Variants in CFAP299 observed in about 807,000 individuals in gnomAD.
CFAP299 encodes the protein cilia and flagella associated protein 299.
CFAP299 carries 21 observed loss-of-function variants against 27.0 expected under a neutral mutation model. The observed-to-expected ratio is 0.78, with a 90% CI of 0.55 to 1.12. The LOEUF (loss-of-function observed/expected upper bound fraction) is 1.12, where lower values mean the gene tolerates loss of function less well. Among genes scored for constraint, CFAP299 ranks in the 50% most tolerant of loss-of-function variants. The pLI, the probability that CFAP299 is intolerant of heterozygous loss-of-function variation, is 0.00. For missense variants in CFAP299, 310 were observed against 276.6 expected, an observed-to-expected ratio of 1.12 and a Z score of -0.86; for synonymous variants, 104 against 98.1, an observed-to-expected ratio of 1.06 and a Z score of -0.36.
chr4:80,484,455 A>G (rs1235039984), intron 2 of CFAP299, among the ~76,000 whole-genome samples: 1 of 152,146 alleles, frequency 6.6e-6, no homozygotes, highest in Non-Finnish European at 1.5e-5. Flanking sequence ...ACCTATTGCT[A>G]TATCTTATCC....
intron 5 of CFAP299, among the ~76,000 whole-genome samples, chr4:80,946,685 G>A (rs1737494976): frequency 6.6e-6 from 1 of 152,154 alleles, no homozygotes; most frequent in Admixed American, 6.5e-5. Context: ...TTTCTCATTA[G>A]TGAAATGAAG....
At chr4:80,784,416 G>A (rs1024784794) in intron 3 of CFAP299, among the ~76,000 whole-genome samples, 1 of 152,138 alleles carries the variant, frequency 6.6e-6, no homozygotes, top group Non-Finnish European at 1.5e-5. Flanking sequence ...TCTCATAGTG[G>A]TTTTAATTTG....
At chr4:80,856,565 T>C (rs967409641) in intron 3 of CFAP299, among the ~76,000 whole-genome samples, 1 of 151,926 alleles carries the variant, frequency 6.6e-6, no homozygotes, top group Non-Finnish European at 1.5e-5. Context: ...TAATCCATCT[T>C]GAATTAATTT....
At chr4:80,347,427 AG>A (rs1722788928) in intron 1 of CFAP299, among the ~76,000 whole-genome samples, 1 of 152,104 alleles carries the variant, frequency 6.6e-6, no homozygotes, top group South Asian at 2.1e-4. Context: ...ATGCAACTTC[AG>A]CAAAGTCTCA....
rs145935785 is a variant in CFAP299, at chr4:80,465,994, C to T, written c.242+103110C>T. 6.2e-3 allele frequency among the ~76,000 whole-genome samples: 949 copies of T among 152,280 alleles called. 6 individuals are homozygous for T. Among genetic ancestry groups the T allele is most frequent in the Middle Eastern group, 0.02 (6 of 294 alleles). On this transcript the variant is annotated intron_variant, in intron 2 of 5. Transcript: ENST00000358105. The stretch of plus-strand genomic sequence containing the variant: ...GAGAAATGTAAACTCTTCTTTCATT[C>T]GGTAGCCATAACTTCTGGGAAGAAA...
chr4:80,667,786 A>C (rs1741216735), intron 3 of CFAP299, among the ~76,000 whole-genome samples: 2 of 152,092 alleles, frequency 1.3e-5, no homozygotes, highest in Non-Finnish European at 2.9e-5. Context: ...TAAACATAGG[A>C]GTGTAGATAG....
intron 3 of CFAP299, among the ~76,000 whole-genome samples, chr4:80,817,429 A>T (rs1260376387): frequency 6.6e-6 from 1 of 152,158 alleles, no homozygotes; most frequent in Non-Finnish European, 1.5e-5. Context: ...TGAATACATT[A>T]AAGTTACATT....
At chr4:80,823,712 C>G (rs1157948019) in intron 3 of CFAP299, among the ~76,000 whole-genome samples, 1 of 152,122 alleles carries the variant, frequency 6.6e-6, no homozygotes, top group Non-Finnish European at 1.5e-5. Flanking sequence ...ACGTTAAGTA[C>G]TCTGCATAGA....
chr4:80,467,065 T>C (rs767759137), intron 2 of CFAP299, among the ~76,000 whole-genome samples: 5 of 152,206 alleles, frequency 3.3e-5, no homozygotes, highest in Non-Finnish European at 7.3e-5. Context: ...AGAAAGCCTG[T>C]TGTTTTTTGT....
chr4:80,895,204 A>G (rs1025714116), intron 4 of CFAP299, among the ~76,000 whole-genome samples: 1 of 150,918 alleles, frequency 6.6e-6, no homozygotes, highest in Admixed American at 6.6e-5. Context: ...ACACACTAGT[A>G]ACTATGTGAA....
chr4:80,962,483 G>C (rs978942509), intron 5 of CFAP299, among the ~76,000 whole-genome samples: 2 of 151,788 alleles, frequency 1.3e-5, no homozygotes, highest in African/African-American at 4.8e-5. Context: ...AAAGAGCATG[G>C]CACATGTATA....
rs533822170 is a variant in CFAP299, at chr4:80,751,067, G to C, written c.334-118926G>C. 1.1e-4 allele frequency among the ~76,000 whole-genome samples: 16 copies of C among 152,290 alleles called. 1 individual carries two copies. The highest frequency in any genetic ancestry group is 3.8e-4 in the African/African-American group (16 of 41,564). On this transcript the variant is annotated intron_variant, in intron 3 of 5. Transcript: ENST00000358105. ...CAAGTTCTTTGCCCTTGCTGGAGAG[G>C]TGTTGTGGTCATCTGGAAGAAACAC... is the stretch of plus-strand genomic sequence containing the variant.
chr4:80,722,508 G>A (rs1722887083), intron 3 of CFAP299, among the ~76,000 whole-genome samples: 1 of 151,982 alleles, frequency 6.6e-6, no homozygotes, highest in Admixed American at 6.6e-5. Flanking sequence ...GACACTCTTA[G>A]TAGAATGAAA....
intron 2 of CFAP299, among the ~76,000 whole-genome samples, chr4:80,478,242 C>G (rs2110124031): frequency 6.6e-6 from 1 of 152,208 alleles, no homozygotes; most frequent in South Asian, 2.1e-4. Flanking sequence ...CCACTATTTT[C>G]CATTTAGAAA....
chr4:80,635,563 G>A (rs1739433247), intron 3 of CFAP299, among the ~76,000 whole-genome samples: 1 of 151,858 alleles, frequency 6.6e-6, no homozygotes, highest in African/African-American at 2.4e-5. Context: ...AACAAAATGG[G>A]TCACAGTTTT....
intron 3 of CFAP299, among the ~76,000 whole-genome samples, chr4:80,719,350 G>A (rs1322198307): frequency 6.6e-6 from 1 of 152,098 alleles, no homozygotes; most frequent in African/African-American, 2.4e-5. Flanking sequence ...CAGTTTTCAA[G>A]ATAAACTCAA....
intron 2 of CFAP299, among the ~76,000 whole-genome samples, chr4:80,486,326 G>A (rs988046276): frequency 2.6e-5 from 4 of 152,174 alleles, no homozygotes; most frequent in African/African-American, 9.7e-5. Flanking sequence ...AATTGTAGCT[G>A]TGTTTTCTGA....
intron 3 of CFAP299, among the ~76,000 whole-genome samples, chr4:80,732,295 G>A (rs564805707): frequency 1.7e-4 from 6 of 35,904 alleles, no homozygotes; most frequent in South Asian, 1.7e-3. Context: ...CTTAAACTAC[G>A]AGTTTCTGCT....
intron 5 of CFAP299, 146 bp downstream of exon 5, chr4:80,945,085 A>G: frequency 1.4e-6 from 1 of 731,798 alleles, no homozygotes; most frequent in Non-Finnish European, 2.3e-6. Context: ...AGCATGTACT[A>G]CCTTTTAAAA....
Sources: allele counts gnomAD v4.1 joint callset (sites outside exome capture counted in the v4.1 genomes callset), GRCh38; gene constraint gnomAD v4.1.1; transcripts MANE v1.5; gene names NCBI Gene and HGNC (gene_info 2026-07-23, HGNC 2026-07-21).